RMP64: variants seen among roughly 807,000 people sequenced by gnomAD.
RMP64 encodes the protein ribonuclease MRP subunit p64.
the RMP64 span, among the ~76,000 whole-genome samples, chr3:113,017,996 A>G: frequency 3.3e-5 from 5 of 152,276 alleles, no homozygotes; most frequent in South Asian, 1.0e-3. Context: ...CTAACTCCCC[A>G]TGTCGCTATG....
chr3:113,019,638 C>A, the RMP64 span: 1 of 1,613,176 alleles, frequency 6.2e-7, no homozygotes. Context: ...GGCGGCACCG[C>A]AGCCATCATG....
At chr3:113,012,115 A>G in the RMP64 span, among the ~76,000 whole-genome samples, 1,614 of 152,310 alleles carry the variant, frequency 0.011, 101 homozygotes, top group East Asian at 0.17. Flanking sequence ...CAGTTTCACA[A>G]TATGTACTGA....
At chr3:113,010,613 A>G in the RMP64 span, 1 of 1,580,508 alleles carries the variant, frequency 6.3e-7, no homozygotes, top group Non-Finnish European at 8.7e-7. Flanking sequence ...AGCAGAAATC[A>G]TAAGCTAAAT....
the RMP64 span, chr3:113,017,547 C>G: frequency 1.2e-6 from 2 of 1,614,124 alleles, no homozygotes; most frequent in Non-Finnish European, 1.7e-6. Context: ...AGGTTTGGCT[C>G]TTCAGCGACA....
At chr3:113,004,444 A>C in the RMP64 span, 1 of 152,274 alleles carries the variant, frequency 6.6e-6, no homozygotes, top group African/African-American at 2.4e-5. Context: ...GAAAGAACAA[A>C]GCCAAATAAA....
At chr3:113,005,695 G>C in the RMP64 span, 6 of 1,613,974 alleles carry the variant, frequency 3.7e-6, no homozygotes, top group Admixed American at 1.0e-4. Flanking sequence ...TAGTTTGTAT[G>C]ACAGGCATTG....
At chr3:113,017,609 C>T in the RMP64 span, 1 of 1,612,562 alleles carries the variant, frequency 6.2e-7, no homozygotes. Context: ...AGGTCTGAAG[C>T]AGAGACATCT....
the RMP64 span, chr3:113,006,085 A>T: frequency 1.1e-6 from 1 of 927,822 alleles, no homozygotes; most frequent in Non-Finnish European, 1.6e-6. Context: ...CCAACTGAAA[A>T]GAAAAATACA....
At chr3:113,006,345 T>A in the RMP64 span, among the ~76,000 whole-genome samples, 2 of 152,094 alleles carry the variant, frequency 1.3e-5, no homozygotes, top group Admixed American at 1.3e-4. Flanking sequence ...TGAGTGGACA[T>A]GAGGAAACAT....
the RMP64 span, chr3:113,010,535 G>T: frequency 1.1e-6 from 1 of 893,730 alleles, no homozygotes; most frequent in Non-Finnish European, 1.8e-6. Flanking sequence ...AAGGCACTAA[G>T]CTTAGAGCTG....
chr3:113,003,288 A>G, the RMP64 span: 1 of 152,096 alleles, frequency 6.6e-6, no homozygotes, highest in Admixed American at 6.6e-5. Flanking sequence ...GGTGCAGTGA[A>G]CTGAGATCAT....
chr3:113,011,506 A>C, the RMP64 span: 1 of 1,067,912 alleles, frequency 9.4e-7, no homozygotes, highest in Non-Finnish European at 1.4e-6. Flanking sequence ...ATGGCTATCA[A>C]GGTCCTCCAG....
chr3:113,017,520 ATC>A, the RMP64 span: 1 of 1,614,134 alleles, frequency 6.2e-7, no homozygotes, highest in South Asian at 1.1e-5. Flanking sequence ...CACATAACAC[ATC>A]TGTTTCTGCA....
chr3:113,011,514 C>T, the RMP64 span: 1 of 986,898 alleles, frequency 1.0e-6, no homozygotes, highest in Non-Finnish European at 1.5e-6. Context: ...CAAGGTCCTC[C>T]AGTACAGATA....
At chr3:113,011,304 TTTG>T in the RMP64 span, 8 of 1,613,666 alleles carry the variant, frequency 5.0e-6, no homozygotes, top group Non-Finnish European at 6.8e-6. Context: ...AGGTAAAATC[TTTG>T]AAGTAAGGCA....
the RMP64 span, chr3:113,006,015 C>G: frequency 6.3e-7 from 1 of 1,575,890 alleles, no homozygotes; most frequent in East Asian, 2.2e-5. Flanking sequence ...CTTTAAAAGA[C>G]AGAGAGAGGA....
the RMP64 span, among the ~76,000 whole-genome samples, chr3:113,006,333 A>G: frequency 2.0e-5 from 3 of 152,238 alleles, no homozygotes. Context: ...TTCATAATGT[A>G]ATGAGTGGAC....
chr3:113,012,571 T>C, the RMP64 span: 1 of 498,656 alleles, frequency 2.0e-6, no homozygotes, highest in Non-Finnish European at 3.5e-6. Flanking sequence ...CCATCAGCAC[T>C]CGGCTTCCCA....
the RMP64 span, among the ~76,000 whole-genome samples, chr3:113,013,784 G>A: frequency 1.3e-5 from 2 of 152,118 alleles, no homozygotes; most frequent in African/African-American, 4.8e-5. Context: ...ATAGATCAAT[G>A]TCAGAAGATT....
Sources: gnomAD v4.1 joint callset for allele counts (sites outside exome capture counted in the v4.1 genomes callset) on GRCh38, gnomAD v4.1.1 for gene constraint, MANE v1.5 for transcripts, NCBI Gene and HGNC (gene_info 2026-07-23, HGNC 2026-07-21) for gene names.